The following CCDC12 variants were observed in gnomAD, a reference collection of about 807,000 sequenced individuals.
CCDC12 encodes coiled-coil domain containing 12, also known as coiled-coil domain-containing protein 12.
In CCDC12, 28 loss-of-function variants were observed where a neutral mutation model predicts 25.7. The ratio of observed to expected loss-of-function variants is 1.09; its 90% CI spans 0.81 to 1.50. The LOEUF (loss-of-function observed/expected upper bound fraction) is 1.50, where lower values mean the gene tolerates loss of function less well. CCDC12 is among the 40% of genes most tolerant of loss of function. CCDC12 has a pLI of 0.00. For synonymous variants in CCDC12, 75 were observed against 87.7 expected (o/e 0.86, Z 0.81); for missense variants, 198 against 210.0 (o/e 0.94, Z 0.35).
intron 1 of CCDC12, among the ~76,000 whole-genome samples, chr3:46,970,636 G>A (rs1328209251): frequency 2.0e-5 from 3 of 152,236 alleles, no homozygotes; most frequent in Non-Finnish European, 4.4e-5. Flanking sequence ...TGGTCAGCCA[G>A]ACAGCCAGTC....
intron 1 of CCDC12, among the ~76,000 whole-genome samples, chr3:46,953,261 C>A (rs1422184248): frequency 6.6e-6 from 1 of 152,110 alleles, no homozygotes; most frequent in Non-Finnish European, 1.5e-5. Flanking sequence ...TGCAGGCCAG[C>A]ATTCACATGA....
intron 2 of CCDC12, among the ~76,000 whole-genome samples, chr3:46,935,957 G>A (rs1375769110): frequency 6.6e-6 from 1 of 152,188 alleles, no homozygotes; most frequent in East Asian, 1.9e-4. Context: ...AAATGCATAA[G>A]GAAAGGCAAA....
chr3:46,933,340 A>G (rs2033306657), intron 2 of CCDC12, among the ~76,000 whole-genome samples: 1 of 152,196 alleles, frequency 6.6e-6, no homozygotes, highest in Admixed American at 6.5e-5. Context: ...AAAAACAAGG[A>G]GGCCGGAGAA....
chr3:46,952,537 T>G (rs1232703731), intron 1 of CCDC12, among the ~76,000 whole-genome samples: 1 of 152,154 alleles, frequency 6.6e-6, no homozygotes, highest in African/African-American at 2.4e-5. Flanking sequence ...TCCTGCAAAA[T>G]GAAGACAAAA....
chr3:46,962,821 T>C (rs570898718), intron 1 of CCDC12, among the ~76,000 whole-genome samples: 1 of 152,254 alleles, frequency 6.6e-6, no homozygotes, highest in African/African-American at 2.4e-5. Flanking sequence ...ACAGTATCTG[T>C]CCTATATACA....
intron 1 of CCDC12, among the ~76,000 whole-genome samples, chr3:46,972,410 T>C (rs912482278): frequency 1.3e-5 from 2 of 152,132 alleles, no homozygotes; most frequent in African/African-American, 4.8e-5. Flanking sequence ...TGATTTAATA[T>C]CCAGAATATA....
chr3:46,946,350 T>C (rs1292513294), intron 1 of CCDC12, among the ~76,000 whole-genome samples: 2 of 152,264 alleles, frequency 1.3e-5, no homozygotes. Context: ...AAATATCTTG[T>C]ACACTTAGGG....
chr3:46,973,052 C>T (rs1471603741), intron 1 of CCDC12, among the ~76,000 whole-genome samples: 1 of 150,636 alleles, frequency 6.6e-6, no homozygotes, highest in African/African-American at 2.5e-5. Context: ...TGACATCACC[C>T]GAATTTAAAA....
intron 1 of CCDC12, among the ~76,000 whole-genome samples, chr3:46,943,245 A>G (rs2107142906): frequency 6.6e-6 from 1 of 152,286 alleles, no homozygotes; most frequent in East Asian, 1.9e-4. Context: ...GGGCTTCCAC[A>G]AGGGCCCTGC....
At chr3:46,941,850 C>T (rs2033723369) in intron 1 of CCDC12, among the ~76,000 whole-genome samples, 1 of 152,178 alleles carries the variant, frequency 6.6e-6, no homozygotes, top group Admixed American at 6.5e-5. Context: ...GAGTCCTCTC[C>T]AGAAATACCT....
At chr3:46,940,778 G>GT in intron 2 of CCDC12, 1 of 584,374 alleles carries the variant, frequency 1.7e-6, no homozygotes, top group Non-Finnish European at 3.1e-6. Context: ...TGGGGGCTGA[G>GT]TAACAGCCAA....
At chr3:46,967,699 T>G (rs1026297517) in intron 1 of CCDC12, among the ~76,000 whole-genome samples, 1 of 152,188 alleles carries the variant, frequency 6.6e-6, no homozygotes, top group African/African-American at 2.4e-5. Flanking sequence ...AAGGAGGAAG[T>G]CTTGTTCATA....
At position 46,973,739 on chromosome 3, in the gene CCDC12, A is replaced by G. The variant is rs555406805; in HGVS notation, c.96+2898T>C. On this transcript the variant is annotated intron_variant, in intron 1 of 6. Coordinates refer to ENST00000683445, the MANE Select transcript of CCDC12 (RefSeq NM_001277074.2). ...GTCATTCTCCTGCCTCAGCCTCCCAAGTAGCTGGGACTACAGGCGCCCACC... is the reference window on the plus strand; with the variant it reads ...GTCATTCTCCTGCCTCAGCCTCCCAGGTAGCTGGGACTACAGGCGCCCACC... Among the ~76,000 whole-genome samples, 228 of 151,176 alleles carry G rather than the reference A, an allele frequency of 1.5e-3. 1 individual carries two copies. Among genetic ancestry groups the G allele is most frequent in the Non-Finnish European group, 1.2e-3 (82 of 67,838 alleles).
In CCDC12 at chr3:46,921,971, G is replaced by A. The variant is rs762968689; in HGVS notation, c.*86C>T. 5 of 1,426,906 alleles carry A rather than the reference G, an allele frequency of 3.5e-6. No homozygotes were observed. The highest frequency in any genetic ancestry group is 4.9e-6 in the Non-Finnish European group (5 of 1,023,772). 88.4% of individuals were successfully genotyped at this position (1,426,906 alleles called of 1,614,324 possible). ...TCTCTGCTCAGAAGCCAAACTGGAG[G>A]TGATGGCAAGCCTAGCCCCCATCCC... On this transcript the variant is annotated 3_prime_UTR_variant, in exon 7 of 7. Coordinates refer to ENST00000683445, the MANE Select transcript of CCDC12 (RefSeq NM_001277074.2).
At chr3:46,942,230 C>A (rs2033737622) in intron 1 of CCDC12, among the ~76,000 whole-genome samples, 1 of 152,250 alleles carries the variant, frequency 6.6e-6, no homozygotes, top group Admixed American at 6.5e-5. Context: ...GGCGTGTGTG[C>A]ACATGCACAA....
intron 1 of CCDC12, among the ~76,000 whole-genome samples, chr3:46,946,031 G>A (rs918342531): frequency 2.0e-5 from 3 of 152,212 alleles, no homozygotes; most frequent in Non-Finnish European, 4.4e-5. Context: ...CACATGAAGC[G>A]TGGGGGCAGA....
chr3:46,979,917 G>A, upstream of CCDC12: 1 of 392,452 alleles, frequency 2.5e-6, no homozygotes, highest in Admixed American at 4.2e-5. Context: ...GCGCAGGTGA[G>A]CCCGCCCCGC....
chr3:46,978,855 C>T (rs376049878), upstream of CCDC12, among the ~76,000 whole-genome samples: 17 of 152,162 alleles, frequency 1.1e-4, no homozygotes, highest in African/African-American at 3.4e-4. Context: ...TGGTGACACG[C>T]GCCTGTAGTC....
chr3:46,948,289 T>C (rs2107154672), intron 1 of CCDC12, among the ~76,000 whole-genome samples: 1 of 152,312 alleles, frequency 6.6e-6, no homozygotes, highest in Non-Finnish European at 1.5e-5. Flanking sequence ...ACTGCTCTCC[T>C]GTGGGTTCAT....
Sources: gnomAD v4.1 joint callset for allele counts (sites outside exome capture counted in the v4.1 genomes callset) on GRCh38, gnomAD v4.1.1 for gene constraint, MANE v1.5 for transcripts, NCBI Gene and HGNC (gene_info 2026-07-23, HGNC 2026-07-21) for gene names.